Variants in BPHL observed in about 807,000 individuals in gnomAD.
The protein encoded by BPHL is biphenyl hydrolase like.
In BPHL, 27 loss-of-function variants were observed where a neutral mutation model predicts 31.2. That is an observed-to-expected ratio of 0.87 (90% CI 0.64 to 1.19). BPHL has a LOEUF of 1.19. Ranked by LOEUF, BPHL falls within the 50% of genes most tolerant of loss-of-function variation. BPHL has a pLI of 0.00. For synonymous variants in BPHL, 150 were observed against 146.8 expected (o/e 1.02, Z -0.16); for missense variants, 356 against 375.7 (o/e 0.95, Z 0.43).
At position 3,120,886 on chromosome 6, in the gene BPHL, C is replaced by CA. The variant is rs200235165; in HGVS notation, c.107+2040dup. ...TTGCCACCACGCTGTATCTGGCAGT[C>CA]AGAGTGTGGCCCCGGTGCCTGAGCC... On this transcript the variant is annotated intron_variant, in intron 1 of 6. Coordinates refer to ENST00000380379, the MANE Select transcript of BPHL (RefSeq NM_004332.4). 8.9e-3 allele frequency among the ~76,000 whole-genome samples: 1,356 copies of CA among 152,332 alleles called. 13 individuals carry two copies. The highest frequency in any genetic ancestry group is 0.015 in the Non-Finnish European group (1,045 of 68,022).
chr6:3,129,805 GTTT>G (rs112506760), intron 4 of BPHL, among the ~76,000 whole-genome samples: 31 of 136,554 alleles, frequency 2.3e-4, no homozygotes, highest in African/African-American at 7.2e-4. Context: ...TGTCTTTGAG[GTTT>G]TTTTTTTTTT....
chr6:3,119,549 CCTT>C, intron 1 of BPHL: 5 of 1,612,616 alleles, frequency 3.1e-6, no homozygotes, highest in East Asian at 2.2e-5. Context: ...TAATTTCTGA[CCTT>C]CTGTCTTGAA....
At chr6:3,146,931 A>T (rs367563068) in intron 6 of BPHL, among the ~76,000 whole-genome samples, 11 of 152,216 alleles carry the variant, frequency 7.2e-5, no homozygotes, top group African/African-American at 2.6e-4. Context: ...CATGTGCTGG[A>T]TGTAATATTT....
In BPHL at chr6:3,137,372, T is replaced by C. The variant is rs753986649; in HGVS notation, c.543T>C (p.Asp181=). The C allele has an allele frequency of 3.1e-6, 5 of 1,610,236 alleles. No homozygotes were observed. The highest frequency in any genetic ancestry group is 4.2e-6 in the Non-Finnish European group (5 of 1,178,954). The change falls in exon 5 of 7, where the codon GAT becomes GAC. Residue 181 remains aspartate, a synonymous_variant. Coordinates refer to ENST00000380379, the MANE Select transcript of BPHL (RefSeq NM_004332.4). ...EDSMIYEGIR[D]VSKWSERTRK... is the part of the protein sequence containing the mutation. ...ACTTCTGTTTTTCAGGCATCCGAGA[T>C]GTTTCCAAATGGAGTGAGAGAACAA...
Position 3,137,360 on chromosome 6 carries a change from A to G in BPHL, c.533-2A>G, listed in dbSNP as rs1401546159. The stretch of plus-strand genomic sequence containing the variant: ...TTCTTCGCCTACACTTCTGTTTTTC[A>G]GGCATCCGAGATGTTTCCAAATGGA... On this transcript the variant is annotated splice_acceptor_variant, in intron 4 of 6. Transcript: ENST00000380379. LOFTEE classifies it high-confidence loss of function. The G allele has an allele frequency of 5.6e-6, 9 of 1,610,168 alleles. No homozygotes were observed. The highest frequency in any genetic ancestry group is 1.7e-5 in the Admixed American group (1 of 59,134).
chr6:3,145,945 TC>T (rs1762333190), intron 6 of BPHL, among the ~76,000 whole-genome samples: 1 of 74,722 alleles, frequency 1.3e-5, no homozygotes, highest in Non-Finnish European at 3.1e-5. Context: ...GAGTGCTGGT[TC>T]CAGCTGGAGT....
intron 6 of BPHL, among the ~76,000 whole-genome samples, chr6:3,146,839 T>C (rs1421840916): frequency 7.8e-6 from 1 of 128,336 alleles, no homozygotes; most frequent in African/African-American, 3.3e-5. Context: ...GCTGGAGTGC[T>C]GGTTTGGGTC....
intron 6 of BPHL, among the ~76,000 whole-genome samples, chr6:3,143,531 T>A (rs6933330): frequency 2.0e-5 from 3 of 152,132 alleles, no homozygotes; most frequent in South Asian, 2.1e-4. Context: ...AAGCCCTTCC[T>A]CTAACAAGCA....
chr6:3,123,052 C>G (rs955509605), intron 1 of BPHL, among the ~76,000 whole-genome samples: 7 of 152,256 alleles, frequency 4.6e-5, no homozygotes, highest in African/African-American at 1.7e-4. Context: ...CGGCGTGTGC[C>G]ATGAGCCTCT....
chr6:3,151,937 G>C (rs374707636), intron 6 of BPHL, among the ~76,000 whole-genome samples: 30 of 152,178 alleles, frequency 2.0e-4, no homozygotes, highest in East Asian at 9.6e-4. Flanking sequence ...CTGGCGGCTT[G>C]TATTCAGATG....
intron 1 of BPHL, 134 bp from the exon 2 acceptor site, chr6:3,123,523 T>C: frequency 1.6e-6 from 1 of 620,198 alleles, no homozygotes; most frequent in South Asian, 2.2e-5. Context: ...CTATCGCTTA[T>C]TGTTAGCCGT....
At chr6:3,147,933 C>T (rs554996594) in intron 6 of BPHL, among the ~76,000 whole-genome samples, 1 of 152,348 alleles carries the variant, frequency 6.6e-6, no homozygotes, top group East Asian at 1.9e-4. Flanking sequence ...CAAGGAATTC[C>T]CTGTTCTCAG....
At chr6:3,146,291 CGAGTGCTGGTTCGGGTT>C (rs1762356726) in intron 6 of BPHL, among the ~76,000 whole-genome samples, 2 of 25,622 alleles carry the variant, frequency 7.8e-5, no homozygotes, top group African/African-American at 1.6e-4. Context: ...TGGTTCGGGT[CGAGTGCTGGTTCGGGTT>C]GGAGTGCTGG....
In BPHL at chr6:3,137,421, G is replaced by C. The variant is rs547907642; in HGVS notation, c.592G>C (p.Gly198Arg). 1.4e-5 allele frequency: 23 copies of C among 1,613,098 alleles called. No individual in the cohort carries two copies. Among genetic ancestry groups the C allele is most frequent in the Middle Eastern group, 1.6e-4 (1 of 6,062 alleles). Residue 198 changes from glycine to arginine, a missense_variant, in exon 5 of 7, where the codon GGG (glycine) becomes CGG (arginine). Gly to Arg is a moderately radical substitution (Grantham distance 125). Transcript: ENST00000380379. ...AAGAAAGCCTCTAGAAGCCCTCTATGGGTATGACTACTTTGCCAGAACCTG... is the reference window on the plus strand; with the variant it reads ...AAGAAAGCCTCTAGAAGCCCTCTATCGGTATGACTACTTTGCCAGAACCTG... ...RTRKPLEALY[G>R]YDYFARTCEK... is the part of the protein sequence containing the mutation.
Position 3,140,189 on chromosome 6 carries a change from A to G in BPHL, c.665-197A>G. 1.6e-6 allele frequency: 1 copy of G among 631,424 alleles called. No individual in the cohort carries two copies. The highest frequency in any genetic ancestry group is 4.3e-4 in the Middle Eastern group (1 of 2,332). The allele number at this position is 631,424 out of a possible 1,614,324, so 39.1% of individuals were successfully genotyped here. On this transcript the variant is annotated intron_variant, in intron 5 of 6. Transcript: ENST00000380379. This position sits in a 1 kb window ranked among gnomAD's most constrained non-coding sequence, Gnocchi z 5.2. ...CTCAGAAACAGGCAAACAAACAAGAAACAGAGAGAAACAGAAAAGGGAACC... is the reference window on the plus strand; with the variant it reads ...CTCAGAAACAGGCAAACAAACAAGAGACAGAGAGAAACAGAAAAGGGAACC...
chr6:3,133,280 T>C (rs1467307600), intron 4 of BPHL, among the ~76,000 whole-genome samples: 3 of 151,826 alleles, frequency 2.0e-5, no homozygotes, highest in Non-Finnish European at 2.9e-5. Context: ...GCCCTACCCC[T>C]CTCTCCCTCC....
chr6:3,127,129 C>T (rs1761737508), intron 2 of BPHL, 113 bp from the exon 3 acceptor site: 1 of 689,572 alleles, frequency 1.5e-6, no homozygotes, highest in Non-Finnish European at 2.3e-6. Context: ...TACATTCTGA[C>T]CACTTTGAGT....
chr6:3,152,621 C>T lies in BPHL; in HGVS notation c.*46C>T, dbSNP rs754351431. The stretch of plus-strand genomic sequence containing the variant: ...GTGGTTCCTTCGTGTGGGGCTTGAT[C>T]GTGTTGCTGCCTGTTAACATGATGC... On this transcript the variant is annotated 3_prime_UTR_variant, in exon 7 of 7. Coordinates refer to ENST00000380379, the MANE Select transcript of BPHL (RefSeq NM_004332.4). The T allele has an allele frequency of 6.5e-6, 10 of 1,538,046 alleles. No homozygotes were observed. Among genetic ancestry groups the T allele is most frequent in the East Asian group, 4.6e-5 (2 of 43,732 alleles).
rs376324470 is a variant in BPHL, at chr6:3,140,539, C to G, written c.788+30C>G. The G allele has an allele frequency of 9.9e-6, 16 of 1,609,654 alleles. No individual in the cohort carries two copies. The African/African-American group carries it at 1.3e-4, about 13-fold the overall frequency. On this transcript the variant is annotated intron_variant, in intron 6 of 6. Transcript: ENST00000380379. The surrounding 1 kb of genome is among the most constrained non-coding windows in gnomAD (Gnocchi z 5.2). ...GTCCTGTCACCGCCTTCACACTCCCCCCGAGAGCCTCGGAGTCAATGGGCA... is the reference window on the plus strand; with the variant it reads ...GTCCTGTCACCGCCTTCACACTCCCGCCGAGAGCCTCGGAGTCAATGGGCA...
Sources: gnomAD v4.1 joint callset for allele counts (sites outside exome capture counted in the v4.1 genomes callset) on GRCh38, gnomAD v4.1.1 for gene constraint, Gnocchi (gnomAD v3.1) non-coding constraint, MANE v1.5 for transcripts, NCBI Gene and HGNC (gene_info 2026-07-23, HGNC 2026-07-21) for gene names.